The following ZNF532 variants were observed in gnomAD, a reference collection of about 807,000 sequenced individuals.
The protein encoded by ZNF532 is zinc finger protein 532.
Under a neutral mutation model 89.3 loss-of-function variants are expected in ZNF532, and 22 were observed. That is an observed-to-expected ratio of 0.25 (90% CI 0.18 to 0.35). The LOEUF (loss-of-function observed/expected upper bound fraction) is 0.35. ZNF532 is among the 10% of genes least tolerant of loss of function. The probability of loss-of-function intolerance (pLI) is 1.00; values close to 1 mark genes in which losing one functional copy is unlikely to be tolerated. For synonymous variants in ZNF532, 606 were observed against 649.6 expected, an observed-to-expected ratio of 0.93 and a Z score of 1.02; for missense variants, 1,132 against 1,643.4, an observed-to-expected ratio of 0.69 and a Z score of 5.38.
chr18:58,897,388 A>G (rs1352774527), intron 2 of ZNF532, among the ~76,000 whole-genome samples: 3 of 152,216 alleles, frequency 2.0e-5, no homozygotes, highest in African/African-American at 7.2e-5. Context: ...ACACTGAATA[A>G]TACTTTCACA....
At chr18:58,968,800 G>A (rs529082802) in intron 7 of ZNF532, among the ~76,000 whole-genome samples, 3 of 152,282 alleles carry the variant, frequency 2.0e-5, no homozygotes, top group African/African-American at 7.2e-5. Context: ...TGCAGTGCCT[G>A]GTGAGGCTGT....
chr18:58,923,037 G>C lies in ZNF532; in HGVS notation c.2346+2404G>C, dbSNP rs1358848593. On this transcript the variant is annotated intron_variant, in intron 3 of 9. Transcript: ENST00000591808. ...TTGGCATCACTTTTGTATCTTGCTGGGACGAGTACGCAGGTCACCCGTTTG... is the reference window on the plus strand; with the variant it reads ...TTGGCATCACTTTTGTATCTTGCTGCGACGAGTACGCAGGTCACCCGTTTG... 6.6e-5 allele frequency among the ~76,000 whole-genome samples: 10 copies of C among 152,148 alleles called. No homozygotes were observed. In the East Asian group the frequency reaches 1.9e-3, roughly 29 times the overall value.
At chr18:58,882,078 C>T (rs991936917) in intron 2 of ZNF532, among the ~76,000 whole-genome samples, 7 of 152,168 alleles carry the variant, frequency 4.6e-5, no homozygotes, top group Non-Finnish European at 1.0e-4. Context: ...CCACCTCAGC[C>T]TCCTGCGTAG....
chr18:58,873,474 A>G (rs1459734604), intron 2 of ZNF532, among the ~76,000 whole-genome samples: 4 of 151,504 alleles, frequency 2.6e-5, no homozygotes, highest in Admixed American at 2.6e-4. Context: ...TCTGGGATGA[A>G]GTCTTGCTCT....
chr18:58,901,580 G>A (rs915380747), intron 2 of ZNF532, among the ~76,000 whole-genome samples: 8 of 152,220 alleles, frequency 5.3e-5, no homozygotes, highest in African/African-American at 2.4e-5. Flanking sequence ...TCTTTGGAGA[G>A]CACTGGTGTG....
chr18:58,922,216 TC>T (rs2061158699), intron 3 of ZNF532, among the ~76,000 whole-genome samples: 1 of 152,206 alleles, frequency 6.6e-6, no homozygotes, highest in Non-Finnish European at 1.5e-5. Flanking sequence ...AACTGGGCTT[TC>T]CTTTTTTTCT....
intron 2 of ZNF532, among the ~76,000 whole-genome samples, chr18:58,884,783 G>A (rs2058169845): frequency 6.6e-6 from 1 of 152,080 alleles, no homozygotes; most frequent in Admixed American, 6.6e-5. Context: ...GGGAAAAAAA[G>A]GCAGTTTGTA....
At chr18:58,943,611 C>T (rs867533908) in intron 5 of ZNF532, among the ~76,000 whole-genome samples, 6 of 152,000 alleles carry the variant, frequency 3.9e-5, no homozygotes, top group Admixed American at 2.6e-4. Context: ...TACAGGCACG[C>T]GCCACCATGT....
intron 2 of ZNF532, among the ~76,000 whole-genome samples, chr18:58,913,680 C>T (rs2145933697): frequency 6.6e-6 from 1 of 151,910 alleles, no homozygotes; most frequent in South Asian, 2.1e-4. Flanking sequence ...GTCTCAGTGG[C>T]CAGATAGTGC....
chr18:58,897,398 A>G (rs2059320868), intron 2 of ZNF532, among the ~76,000 whole-genome samples: 1 of 152,234 alleles, frequency 6.6e-6, no homozygotes, highest in Non-Finnish European at 1.5e-5. Flanking sequence ...ATACTTTCAC[A>G]TATACACGAA....
At chr18:58,866,287 G>A (rs2056454919) in intron 2 of ZNF532, among the ~76,000 whole-genome samples, 1 of 152,242 alleles carries the variant, frequency 6.6e-6, no homozygotes, top group Non-Finnish European at 1.5e-5. Flanking sequence ...TCGCAGTTAG[G>A]TTTGAGCAGG....
intron 2 of ZNF532, among the ~76,000 whole-genome samples, chr18:58,876,708 G>A (rs2057459273): frequency 6.6e-6 from 1 of 152,164 alleles, no homozygotes; most frequent in South Asian, 2.1e-4. Flanking sequence ...CAGGAGATGG[G>A]GCAAAGGTGC....
At chr18:58,886,389 A>AT (rs879643401) in intron 2 of ZNF532, among the ~76,000 whole-genome samples, 47 of 147,914 alleles carry the variant, frequency 3.2e-4, no homozygotes, top group South Asian at 1.1e-3. Context: ...TTGTGACCTG[A>AT]TTTTTTTTTT....
Position 58,865,254 on chromosome 18 carries a change from T to G in ZNF532, c.-259T>G, listed in dbSNP as rs2056351230. On this transcript the variant is annotated 5_prime_UTR_variant, in exon 1 of 10. Coordinates refer to ENST00000591808, the MANE Select transcript of ZNF532 (RefSeq NM_001375912.1). Reference sequence around the variant, plus strand: ...TGAACTGAGGGGTTTGTAATGGTAGTTTGTTTGTTGCTGGAGAATGCTACT... The same window carrying G: ...TGAACTGAGGGGTTTGTAATGGTAGGTTGTTTGTTGCTGGAGAATGCTACT... The G allele has an allele frequency of 6.8e-6, 1 of 147,874 alleles. No individual in the cohort carries two copies. The highest frequency in any genetic ancestry group is 3.5e-3 in the Middle Eastern group (1 of 282). 9.2% of individuals were successfully genotyped at this position (147,874 alleles called of 1,614,324 possible).
intron 9 of ZNF532, among the ~76,000 whole-genome samples, chr18:58,983,360 ACT>A (rs1313263413): frequency 5.3e-5 from 8 of 151,626 alleles, no homozygotes; most frequent in South Asian, 2.1e-4. Context: ...AAATCCTGAC[ACT>A]CTCTCCCACA....
chr18:58,876,095 G>A (rs1193409310), intron 2 of ZNF532, among the ~76,000 whole-genome samples: 1 of 152,016 alleles, frequency 6.6e-6, no homozygotes, highest in Non-Finnish European at 1.5e-5. Flanking sequence ...ACCATGCCCG[G>A]CTATTTTTTT....
At chr18:58,975,298 T>C (rs1470221627) in intron 7 of ZNF532, among the ~76,000 whole-genome samples, 1 of 152,138 alleles carries the variant, frequency 6.6e-6, no homozygotes, top group Admixed American at 6.5e-5. Flanking sequence ...GGCTCTTGCA[T>C]GTTGGTGCAA....
intron 2 of ZNF532, among the ~76,000 whole-genome samples, chr18:58,905,201 G>A (rs998062306): frequency 6.6e-6 from 1 of 152,044 alleles, no homozygotes; most frequent in Non-Finnish European, 1.5e-5. Flanking sequence ...TTGATTAGTC[G>A]CTGACCTTGA....
intron 2 of ZNF532, among the ~76,000 whole-genome samples, chr18:58,869,481 T>G (rs1389806182): frequency 6.6e-6 from 1 of 152,238 alleles, no homozygotes; most frequent in African/African-American, 2.4e-5. Context: ...GGCAGTCTAA[T>G]TTTTACATTC....
Sources: gnomAD v4.1 joint callset for allele counts (sites outside exome capture counted in the v4.1 genomes callset) on GRCh38, gnomAD v4.1.1 for gene constraint, MANE v1.5 for transcripts, NCBI Gene and HGNC (gene_info 2026-07-23, HGNC 2026-07-21) for gene names.